ABCC6: variants seen among roughly 807,000 people sequenced by gnomAD.
The protein encoded by ABCC6 is ATP-binding cassette sub-family C member 6.
In ABCC6, 126 loss-of-function variants were observed where a neutral mutation model predicts 169.5. The ratio of observed to expected loss-of-function variants is 0.74; its 90% CI spans 0.64 to 0.86. The LOEUF is 0.86. Ranked by LOEUF, ABCC6 falls within the 40% of genes least tolerant of loss-of-function variation. The probability of loss-of-function intolerance (pLI) is 0.00; values close to 1 mark genes in which losing one functional copy is unlikely to be tolerated. For synonymous variants in ABCC6, 752 were observed against 814.7 expected (o/e 0.92, Z 1.31); for missense variants, 1,733 against 1,927.2 (o/e 0.90, Z 1.89).
chr16:16,209,098 G>C (rs2048504612), intron 6 of ABCC6, among the ~76,000 whole-genome samples: 1 of 151,960 alleles, frequency 6.6e-6, no homozygotes, highest in African/African-American at 2.4e-5. Context: ...ATTATTGTTT[G>C]TTTGAGATGG....
rs748296672 is a variant in ABCC6 at position 16,165,593 on chromosome 16, G to A, written c.3306+30C>T. ...GGACTGGCTGAGTTGACCTCAGCCG[G>A]TCCCGGAAGCCTCCCTGACCTCTCC... On this transcript the variant is annotated intron_variant, in intron 23 of 30. Transcript: ENST00000205557. The A allele has an allele frequency of 8.7e-6, 14 of 1,612,122 alleles. No individual in the cohort carries two copies. The East Asian group carries it at 2.7e-4, about 31-fold the overall frequency.
intron 6 of ABCC6, among the ~76,000 whole-genome samples, chr16:16,209,295 A>G (rs4781751): frequency 2.6e-5 from 4 of 152,184 alleles, no homozygotes; most frequent in South Asian, 2.1e-4. Flanking sequence ...TGTTGGCCAG[A>G]CTGGTCTCGA....
chr16:16,172,100 T>C (rs1422422905), intron 21 of ABCC6, among the ~76,000 whole-genome samples: 8 of 139,054 alleles, frequency 5.8e-5, no homozygotes, highest in African/African-American at 2.2e-4. Flanking sequence ...GTGGGATGGC[T>C]AAATGAGTGG....
intron 29 of ABCC6, among the ~76,000 whole-genome samples, chr16:16,152,620 C>T (rs2046420586): frequency 6.6e-6 from 1 of 151,280 alleles, no homozygotes. Context: ...TCAATCCTTG[C>T]AAGGTAGGTA....
At position 16,182,745 on chromosome 16, in the gene ABCC6, G is replaced by A. The variant is rs559645240; in HGVS notation, c.2070+59C>T. The A allele has an allele frequency of 1.2e-5, 20 of 1,611,018 alleles. No individual in the cohort carries two copies. The Admixed American group carries it at 1.3e-4, about 11-fold the overall frequency. ...GGGATGGGGAGGGTGGGAAGGCAGC[G>A]AGGAAGTGGGACTTTCAGGATGGGG... On this transcript the variant is annotated intron_variant, in intron 16 of 30. Transcript: ENST00000205557.
At chr16:16,192,101 T>TGGTGA (rs2047882071) in intron 11 of ABCC6, among the ~76,000 whole-genome samples, 1 of 150,336 alleles carries the variant, frequency 6.7e-6, no homozygotes, top group Non-Finnish European at 1.5e-5. Context: ...TGCTGGAGGG[T>TGGTGA]GGTGAGGGAA....
intron 21 of ABCC6, 133 bp downstream of exon 21, chr16:16,173,151 A>G: frequency 3.3e-6 from 4 of 1,203,634 alleles, no homozygotes; most frequent in Non-Finnish European, 4.8e-6. Context: ...ATGAACATCT[A>G]GAATGCTACT....
At chr16:16,163,334 G>A in intron 23 of ABCC6, 142 bp from the exon 24 acceptor site, 1 of 760,938 alleles carries the variant, frequency 1.3e-6, no homozygotes, top group Non-Finnish European at 2.2e-6. Context: ...CTAGTTGCTT[G>A]CCCTCTCTGG....
intron 21 of ABCC6, 50 bp from the exon 22 acceptor site, chr16:16,169,903 G>T (rs2047004582): frequency 1.9e-6 from 3 of 1,541,448 alleles, no homozygotes; most frequent in Non-Finnish European, 2.6e-6. Flanking sequence ...CCAGTGGGAG[G>T]GGTGGGTTGA....
At chr16:16,152,427 C>T (rs774317679) in intron 29 of ABCC6, among the ~76,000 whole-genome samples, 1 of 151,884 alleles carries the variant, frequency 6.6e-6, no homozygotes, top group Non-Finnish European at 1.5e-5. Flanking sequence ...GTCATGCAGG[C>T]GTTAGAGTGC....
At chr16:16,166,302 G>C (rs574368453) in intron 22 of ABCC6, among the ~76,000 whole-genome samples, 1 of 152,146 alleles carries the variant, frequency 6.6e-6, no homozygotes, top group South Asian at 2.1e-4. Flanking sequence ...GCCTGCCTTG[G>C]CCTCCCAAAG....
intron 4 of ABCC6, among the ~76,000 whole-genome samples, chr16:16,217,420 C>G (rs1301615291): frequency 6.6e-6 from 1 of 152,226 alleles, no homozygotes; most frequent in Non-Finnish European, 1.5e-5. Flanking sequence ...GGCTAGAATT[C>G]ATCATTGGCT....
rs764901693 is a variant in ABCC6, at chr16:16,169,687, G to T, written c.2954C>A (p.Ala985Asp). Residue 985 changes from alanine (A) to aspartate (D), a missense_variant, in exon 22 of 31, where the codon GCC becomes GAC. Physicochemically the swap from Ala to Asp is moderately radical, Grantham distance 126. Coordinates refer to ENST00000205557, the MANE Select transcript of ABCC6 (RefSeq NM_001171.6). ...PAVGGQQTQAALRGGIFGLLG... is the reference protein window; with the variant it reads ...PAVGGQQTQADLRGGIFGLLG... Reference sequence around the variant, plus strand: ...GAGCCCGAAGATCCCGCCACGCAGGGCTGCCTGCGTCTGCTGCCCACCTAC... The same window carrying T: ...GAGCCCGAAGATCCCGCCACGCAGGTCTGCCTGCGTCTGCTGCCCACCTAC... 6 of 1,611,418 alleles carry T rather than the reference G, an allele frequency of 3.7e-6. No homozygotes were observed. The East Asian group carries it at 6.7e-5, about 18-fold the overall frequency.
At chr16:16,194,280 T>A (rs1362561990) in intron 10 of ABCC6, among the ~76,000 whole-genome samples, 1 of 152,246 alleles carries the variant, frequency 6.6e-6, no homozygotes, top group Non-Finnish European at 1.5e-5. Context: ...TCGCAAGGGT[T>A]GTCAGATTTA....
intron 8 of ABCC6, among the ~76,000 whole-genome samples, chr16:16,202,897 G>A (rs1173162782): frequency 6.6e-6 from 1 of 152,182 alleles, no homozygotes; most frequent in Non-Finnish European, 1.5e-5. Context: ...CTGGCTCTGA[G>A]CCTAGGCCTC....
intron 2 of ABCC6, 152 bp downstream of exon 2, chr16:16,221,497 C>G (rs1413764617): frequency 2.6e-5 from 38 of 1,481,508 alleles, no homozygotes; most frequent in Non-Finnish European, 3.4e-5. Context: ...GAGTTGACCT[C>G]TGTAGCCTTT....
rs56982924 is a variant in ABCC6 at position 16,157,693 on chromosome 16, G to A, written c.3852C>T (p.Gly1284=). 745 of 1,613,902 alleles carry A rather than the reference G, an allele frequency of 4.6e-4. 7 individuals are homozygous for A. In the African/African-American group the frequency reaches 8.2e-3, roughly 18 times the overall value. The part of the protein sequence containing the change: ...YRPELPLAVQ[G]VSFKIHAGEK... ...CTCCTGCGTGGATCTTGAAGGACAC[G>A]CCCTGCACAGCCAGCGGGAGCTCAG... The change falls in exon 27 of 31, where the codon GGC becomes GGT. Residue 1284 remains glycine (G), a synonymous_variant. Transcript: ENST00000205557.
intron 14 of ABCC6, 84 bp downstream of exon 14, chr16:16,187,040 T>C: frequency 1.6e-6 from 2 of 1,231,824 alleles, no homozygotes; most frequent in South Asian, 1.3e-5. Flanking sequence ...CCCCCAGTAC[T>C]GATGCTGGCT....
chr16:16,212,239 CA>C lies in ABCC6; in HGVS notation c.607del (p.Cys203ValfsTer29). 1.1e-6 allele frequency: 1 copy of C among 881,316 alleles called. No individual in the cohort carries two copies. The highest frequency in any genetic ancestry group is 1.9e-6 in the Non-Finnish European group (1 of 528,724). The allele number at this position is 881,316 out of a possible 1,614,324, so 54.6% of individuals were successfully genotyped here. A position where few individuals can be genotyped will look rare whatever the true frequency, so the allele number is the denominator to read the frequency against. On this transcript the variant is annotated frameshift_variant, in exon 6 of 31. Coordinates refer to ENST00000205557, the MANE Select transcript of ABCC6 (RefSeq NM_001171.6). LOFTEE classifies it high-confidence loss of function. ...GGGGAAGGCTGCCCCAGTCTCTGGA[CA>C]GGGGTTCTGCAACAGACAAAAATGG... The part of the protein sequence containing the change: ...FPEDPQQSNP[C>X]PETGAAFPSK...
Sources: allele counts gnomAD v4.1 joint callset (sites outside exome capture counted in the v4.1 genomes callset), GRCh38; gene constraint gnomAD v4.1.1; transcripts MANE v1.5; gene names NCBI Gene and HGNC (gene_info 2026-07-23, HGNC 2026-07-21).